The following ABL1 variants were observed in gnomAD, a reference collection of about 807,000 sequenced individuals.
ABL1 encodes ABL proto-oncogene 1, non-receptor tyrosine kinase.
ABL1 carries 11 observed loss-of-function variants against 94.7 expected under a neutral mutation model. The observed-to-expected ratio is 0.12, with a 90% CI of 0.07 to 0.19. ABL1 has a LOEUF of 0.19. Among genes scored for constraint, ABL1 ranks in the 10% least tolerant of loss-of-function variants. The probability of loss-of-function intolerance (pLI) is 1.00; values close to 1 mark genes in which losing one functional copy is unlikely to be tolerated. For missense variants in ABL1, 1,082 were observed against 1,489.4 expected (o/e 0.73, Z 4.50); for synonymous variants, 656 against 622.4 (o/e 1.05, Z -0.80).
chr9:130,756,420 TAATTCAG>T (rs1393383223), intron 1 of ABL1, among the ~76,000 whole-genome samples: 4 of 152,088 alleles, frequency 2.6e-5, no homozygotes, highest in African/African-American at 9.7e-5. Context: ...TCAAATTGGC[TAATTCAG>T]TGGGTCACTT....
In ABL1 at chr9:130,812,200, C is replaced by CAAA. The variant is rs35352789; in HGVS notation, c.137-41843_137-41841dup. On this transcript the variant is annotated intron_variant, in intron 1 of 10. Coordinates refer to the ABL1 transcript ENST00000372348. ...GAAGCCAAGTGAGACTCCATCTCTA[C>CAAA]AAAAAAAAAAAAAAAAAAAAAAATT... 2.0e-3 allele frequency among the ~76,000 whole-genome samples: 94 copies of CAAA among 48,018 alleles called. 1 individual carries two copies. Among genetic ancestry groups the CAAA allele is most frequent in the Middle Eastern group, 0.011 (1 of 92 alleles). 31.5% of individuals were successfully genotyped at this position (48,018 alleles called of 152,430 possible). A position where few individuals can be genotyped will look rare whatever the true frequency, so the allele number is the denominator to read the frequency against.
chr9:130,763,378 A>G (rs1414475253), intron 1 of ABL1, among the ~76,000 whole-genome samples: 1 of 152,174 alleles, frequency 6.6e-6, no homozygotes, highest in African/African-American at 2.4e-5. Context: ...AATGCCTACA[A>G]TATGCCAGGT....
intron 1 of ABL1, among the ~76,000 whole-genome samples, chr9:130,809,538 C>T (rs1328788054): frequency 6.6e-6 from 1 of 151,954 alleles, no homozygotes; most frequent in African/African-American, 2.4e-5. Flanking sequence ...AAGATGGAGA[C>T]TTAGGAGAGC....
In ABL1 at chr9:130,819,076, G is replaced by A. The variant is rs143887670; in HGVS notation, c.137-34988G>A. On this transcript the variant is annotated intron_variant, in intron 1 of 10. Transcript: ENST00000372348. ...AGGTCAGAAATTGTCTCATCCTGCC[G>A]GGCGCGATGGCTCATGCCTCTAATC... Among the ~76,000 whole-genome samples the A allele has an allele frequency of 3.3e-5, 5 of 152,202 alleles. No homozygotes were observed. The East Asian group carries it at 5.8e-4, about 18-fold the overall frequency.
chr9:130,878,000 A>G (rs1210077188), intron 7 of ABL1, among the ~76,000 whole-genome samples: 1 of 151,966 alleles, frequency 6.6e-6, no homozygotes, highest in East Asian at 1.9e-4. Context: ...TTTTTAGTAG[A>G]GACAGGGTTT....
At chr9:130,822,651 T>C (rs1830376897) in intron 1 of ABL1, among the ~76,000 whole-genome samples, 1 of 152,116 alleles carries the variant, frequency 6.6e-6, no homozygotes. Context: ...GAATGACTAA[T>C]GATACTGAAC....
chr9:130,802,533 TTC>T (rs1371239289), intron 1 of ABL1, among the ~76,000 whole-genome samples: 2 of 152,212 alleles, frequency 1.3e-5, no homozygotes, highest in Non-Finnish European at 2.9e-5. Context: ...TTTTTTTCAG[TTC>T]TAGAATTGCC....
intron 4 of ABL1, among the ~76,000 whole-genome samples, chr9:130,867,872 C>T (rs887558964): frequency 3.3e-5 from 5 of 151,650 alleles, no homozygotes; most frequent in African/African-American, 1.2e-4. Flanking sequence ...GCTTTCCTCT[C>T]GAGCTTCAAG....
At chr9:130,878,268 T>A (rs1365986349) in intron 7 of ABL1, 147 bp from the exon 8 acceptor site, 6 of 937,626 alleles carry the variant, frequency 6.4e-6, no homozygotes, top group Non-Finnish European at 9.8e-6. Context: ...GGTCTTCTGA[T>A]GATAAAGAGC....
intron 1 of ABL1, among the ~76,000 whole-genome samples, chr9:130,810,805 A>C (rs546593338): frequency 2.0e-4 from 31 of 152,252 alleles, no homozygotes; most frequent in African/African-American, 7.2e-4. Flanking sequence ...AGCAGTAAAC[A>C]CACAGATCCA....
At chr9:130,811,721 C>G (rs982574978) in intron 1 of ABL1, among the ~76,000 whole-genome samples, 2 of 151,514 alleles carry the variant, frequency 1.3e-5, no homozygotes, top group Non-Finnish European at 2.9e-5. Context: ...CCAGCCTGAC[C>G]AACAGGGTGA....
chr9:130,774,560 A>G (rs1404005589), intron 1 of ABL1, among the ~76,000 whole-genome samples: 2 of 152,270 alleles, frequency 1.3e-5, no homozygotes, highest in East Asian at 3.9e-4. Flanking sequence ...ACGGTGGCTC[A>G]TGCCTGTGAT....
At chr9:130,830,895 G>A (rs1367209700), upstream of ABL1, among the ~76,000 whole-genome samples, 1 of 152,146 alleles carries the variant, frequency 6.6e-6, no homozygotes, top group Non-Finnish European at 1.5e-5. Flanking sequence ...GCTAGCCTTT[G>A]TGACACATAA....
intron 3 of ABL1, among the ~76,000 whole-genome samples, chr9:130,860,038 G>A (rs1409132531): frequency 6.6e-6 from 1 of 152,186 alleles, no homozygotes; most frequent in Non-Finnish European, 1.5e-5. Flanking sequence ...TGCATGATTA[G>A]GGAGAGGCAG....
exon 1 of ABL1, chr9:130,714,342 T>C (rs774359039): frequency 6.2e-7 from 1 of 1,612,266 alleles, no homozygotes; most frequent in Non-Finnish European, 8.5e-7. Context: ...CCTGGAAAAG[T>C]ACTTGGGGAC....
intron 1 of ABL1, among the ~76,000 whole-genome samples, chr9:130,779,412 C>A (rs1371708842): frequency 6.6e-6 from 1 of 152,180 alleles, no homozygotes; most frequent in South Asian, 2.1e-4. Context: ...CTCTGTGCTG[C>A]CCCCCACCAT....
rs141318586 is a variant in ABL1, at chr9:130,841,223, C to G, written c.79+5698C>G. ...AGTGCAGTTGCACGATCTCAGCTCA[C>G]TGCAAGCTCCGCCTCCTGGGTTCAC... is the stretch of plus-strand genomic sequence containing the variant. On this transcript the variant is annotated intron_variant, in intron 1 of 10. Transcript: ENST00000318560. Among the ~76,000 whole-genome samples the G allele has an allele frequency of 5.5e-3, 840 of 151,936 alleles. 11 individuals carry two copies. Among genetic ancestry groups the G allele is most frequent in the African/African-American group, 0.019 (799 of 41,504 alleles).
At position 130,875,052 on chromosome 9, in the gene ABL1, G is replaced by T. The variant is rs746006558; in HGVS notation, c.1270G>T (p.Ala424Ser). Reference sequence around the variant, plus strand: ...GTTCTCCATCAAGTCCGACGTCTGGGGTAAGGGCTGCTGCTGCACTGAAGT... The same window carrying T: ...GTTCTCCATCAAGTCCGACGTCTGGTGTAAGGGCTGCTGCTGCACTGAAGT... ...NKFSIKSDVW[A>S]FGVLLWEIAT... Residue 424 changes from alanine (A) to serine (S), a missense_variant and splice_region_variant, in exon 7 of 11, where the codon GCA becomes TCA. This residue lies in a region of ABL1 where 76 missense variants were observed against 177.1 expected (regional missense o/e 0.43). Coordinates refer to ENST00000318560, the MANE Select transcript of ABL1 (RefSeq NM_005157.6). 1 of 1,614,056 alleles carries T rather than the reference G, an allele frequency of 6.2e-7. No homozygotes were observed. Among genetic ancestry groups the T allele is most frequent in the Non-Finnish European group, 8.5e-7 (1 of 1,179,976 alleles).
chr9:130,854,412 T>C (rs1347575272), intron 2 of ABL1, among the ~76,000 whole-genome samples, 175 bp downstream of exon 2: 1 of 152,176 alleles, frequency 6.6e-6, no homozygotes, highest in Non-Finnish European at 1.5e-5. Context: ...GAGGAGTTCT[T>C]GTACAATAGC....
Sources: gnomAD v4.1 joint callset for allele counts (sites outside exome capture counted in the v4.1 genomes callset) on GRCh38, gnomAD v4.1.1 for gene constraint, gnomAD v4.1.1 regional missense constraint, MANE v1.5 for transcripts, NCBI Gene and HGNC (gene_info 2026-07-23, HGNC 2026-07-21) for gene names.